Variants in TGFA observed in about 807,000 individuals in gnomAD.
TGFA encodes the protein protransforming growth factor alpha.
In TGFA, 12 loss-of-function variants were observed where a neutral mutation model predicts 21.7. The ratio of observed to expected loss-of-function variants is 0.55; its 90% CI spans 0.35 to 0.90. TGFA has a LOEUF of 0.90. Among genes scored for constraint, TGFA ranks in the 40% least tolerant of loss-of-function variants. The pLI is 0.01. For missense variants in TGFA, 178 were observed against 210.8 expected (o/e 0.84, Z 0.96); for synonymous variants, 79 against 88.1 (o/e 0.90, Z 0.58).
At chr2:70,548,973 TAA>T in intron 1 of TGFA, among the ~76,000 whole-genome samples, 1 of 152,276 alleles carries the variant, frequency 6.6e-6, no homozygotes, top group South Asian at 2.1e-4. Context: ...AAAGCCACCA[TAA>T]AAGTCTCCCA....
intron 1 of TGFA, among the ~76,000 whole-genome samples, chr2:70,534,849 G>A (rs1672924859): frequency 6.6e-6 from 1 of 152,094 alleles, no homozygotes; most frequent in Admixed American, 6.5e-5. Context: ...GTTACACGAT[G>A]GTGCTCTCAC....
intron 2 of TGFA, among the ~76,000 whole-genome samples, chr2:70,507,624 C>A (rs544996942): frequency 6.6e-6 from 1 of 152,188 alleles, no homozygotes; most frequent in Non-Finnish European, 1.5e-5. Flanking sequence ...TCCCTAAGTA[C>A]GATAGTTGGG....
At chr2:70,481,587 C>T (rs1559112082) in intron 2 of TGFA, among the ~76,000 whole-genome samples, 1 of 152,224 alleles carries the variant, frequency 6.6e-6, no homozygotes, top group Non-Finnish European at 1.5e-5. Flanking sequence ...ATCCCTACCT[C>T]CTGGTATCCA....
intron 2 of TGFA, among the ~76,000 whole-genome samples, chr2:70,492,630 A>T (rs1204407295): frequency 6.6e-6 from 1 of 152,228 alleles, no homozygotes; most frequent in Admixed American, 6.5e-5. Flanking sequence ...CTCTCACTGT[A>T]TGAGGCTTTG....
At chr2:70,534,511 T>C (rs1672915510) in intron 1 of TGFA, among the ~76,000 whole-genome samples, 2 of 152,100 alleles carry the variant, frequency 1.3e-5, no homozygotes, top group South Asian at 2.1e-4. Context: ...CATCAACAGA[T>C]CACTCTTCAA....
At chr2:70,457,189 C>T (rs1388398064) in intron 3 of TGFA, among the ~76,000 whole-genome samples, 1 of 152,162 alleles carries the variant, frequency 6.6e-6, no homozygotes, top group Non-Finnish European at 1.5e-5. Flanking sequence ...CATTCAGAGT[C>T]AGTCCTGGGC....
intron 2 of TGFA, among the ~76,000 whole-genome samples, chr2:70,473,691 G>A (rs1474058783): frequency 6.6e-6 from 1 of 151,918 alleles, no homozygotes; most frequent in Non-Finnish European, 1.5e-5. Context: ...AGGGGGGTGT[G>A]TGGGATGGTG....
At chr2:70,485,387 G>A (rs10186341) in intron 2 of TGFA, among the ~76,000 whole-genome samples, 5,091 of 152,146 alleles carry the variant, frequency 0.033, 269 homozygotes, top group African/African-American at 0.12. Flanking sequence ...ACAGGTGCCC[G>A]CCACCGTGCC....
intron 1 of TGFA, among the ~76,000 whole-genome samples, chr2:70,521,613 G>GTGT (rs532266930): frequency 2.7e-5 from 2 of 74,050 alleles, no homozygotes; most frequent in Admixed American, 1.9e-4. Flanking sequence ...GTTGTTGTTT[G>GTGT]TTTGTTTTTT....
At chr2:70,515,594 G>A (rs973438182) in intron 1 of TGFA, among the ~76,000 whole-genome samples, 1 of 152,080 alleles carries the variant, frequency 6.6e-6, no homozygotes, top group African/African-American at 2.4e-5. Flanking sequence ...TAAGGATATT[G>A]CCTCCTCCCT....
intron 1 of TGFA, among the ~76,000 whole-genome samples, chr2:70,518,720 T>C (rs1672362010): frequency 6.6e-6 from 1 of 152,144 alleles, no homozygotes; most frequent in Admixed American, 6.5e-5. Context: ...CAACCACCCA[T>C]TGGCCTGGTG....
At chr2:70,494,075 G>A (rs1671509679) in intron 2 of TGFA, among the ~76,000 whole-genome samples, 1 of 152,118 alleles carries the variant, frequency 6.6e-6, no homozygotes, top group Admixed American at 6.5e-5. Context: ...AGATTGTAGG[G>A]GAGAATCTGT....
chr2:70,509,513 A>G (rs1311926182), intron 2 of TGFA, among the ~76,000 whole-genome samples: 1 of 152,206 alleles, frequency 6.6e-6, no homozygotes, highest in Non-Finnish European at 1.5e-5. Context: ...CCCATGAATA[A>G]TCGCACTGTA....
At chr2:70,460,395 T>G (rs1308357793) in intron 3 of TGFA, among the ~76,000 whole-genome samples, 17 of 150,050 alleles carry the variant, frequency 1.1e-4, no homozygotes, top group Admixed American at 9.9e-4. Context: ...AAAAAAAACT[T>G]CCCAAGCTTC....
intron 5 of TGFA, chr2:70,451,633 A>G (rs1670061181): frequency 1.6e-6 from 1 of 632,758 alleles, no homozygotes; most frequent in Non-Finnish European, 2.8e-6. Flanking sequence ...TGACTCTGTT[A>G]GGTTCAGACA....
At chr2:70,491,071 C>A (rs1160077401) in intron 2 of TGFA, among the ~76,000 whole-genome samples, 1 of 152,220 alleles carries the variant, frequency 6.6e-6, no homozygotes, top group African/African-American at 2.4e-5. Flanking sequence ...AGAGGCAGCA[C>A]AGAGTTCACC....
intron 2 of TGFA, among the ~76,000 whole-genome samples, chr2:70,501,681 C>T (rs1671742882): frequency 6.6e-6 from 1 of 152,078 alleles, no homozygotes; most frequent in Admixed American, 6.6e-5. Flanking sequence ...GCTCTAGTTC[C>T]CCAATTAGGT....
At chr2:70,521,627 T>TTG (rs1672473989) in intron 1 of TGFA, among the ~76,000 whole-genome samples, 1 of 135,620 alleles carries the variant, frequency 7.4e-6, no homozygotes, top group Middle Eastern at 3.6e-3. Context: ...GTTTTTTTTT[T>TTG]TTTTTTTTTT....
At chr2:70,539,256 C>T (rs12463834) in intron 1 of TGFA, among the ~76,000 whole-genome samples, 1 of 151,932 alleles carries the variant, frequency 6.6e-6, no homozygotes, top group Non-Finnish European at 1.5e-5. Context: ...TGTGGTGGCC[C>T]GGAGCTGGGC....
Sources: gnomAD v4.1 joint callset for allele counts (sites outside exome capture counted in the v4.1 genomes callset) on GRCh38, gnomAD v4.1.1 for gene constraint, MANE v1.5 for transcripts, NCBI Gene and HGNC (gene_info 2026-07-23, HGNC 2026-07-21) for gene names.